The following FGFR2 variants were observed in gnomAD, a reference collection of about 807,000 sequenced individuals.
FGFR2 encodes fibroblast growth factor receptor 2.
Under a neutral mutation model 95.9 loss-of-function variants are expected in FGFR2, and 19 were observed. The ratio of observed to expected loss-of-function variants is 0.20; its 90% confidence interval spans 0.14 to 0.29. The LOEUF (loss-of-function observed/expected upper bound fraction) is 0.29, where lower values mean the gene tolerates loss of function less well. Among genes scored for constraint, FGFR2 ranks in the 10% least tolerant of loss-of-function variants. The pLI is 1.00. For synonymous variants in FGFR2, 392 were observed against 393.3 expected (o/e 1.00, Z 0.04); for missense variants, 707 against 1,056.9 (o/e 0.67, Z 4.59).
chr10:121,551,928 A>G (rs1855471198), intron 4 of FGFR2, among the ~76,000 whole-genome samples: 2 of 152,190 alleles, frequency 1.3e-5, no homozygotes, highest in Admixed American at 1.3e-4. Flanking sequence ...CCTTACTTTA[A>G]GGGCAATCAA....
chr10:121,580,798 G>A (rs1860735334), intron 2 of FGFR2, among the ~76,000 whole-genome samples: 1 of 152,138 alleles, frequency 6.6e-6, no homozygotes, highest in Non-Finnish European at 1.5e-5. Flanking sequence ...GCTCCAAACC[G>A]CATATTTGCA....
At position 121,598,279 on chromosome 10, in the gene FGFR2, C is replaced by T; in HGVS notation, c.-468G>A. On this transcript the variant is annotated 5_prime_UTR_variant, in exon 1 of 18. Transcript: ENST00000358487. Reference sequence around the variant, plus strand: ...GCGCAGGCAAGCTGCGGCCTCGGGGCCCCCGGGGCTCGCGGCCGGCCCCCG... The same window carrying T: ...GCGCAGGCAAGCTGCGGCCTCGGGGTCCCCGGGGCTCGCGGCCGGCCCCCG... 1.0e-5 allele frequency: 4 copies of T among 382,658 alleles called. No homozygotes were observed. Among genetic ancestry groups the T allele is most frequent in the Non-Finnish European group, 1.9e-5 (4 of 215,820 alleles). 23.7% of individuals were successfully genotyped at this position (382,658 alleles called of 1,614,324 possible).
intron 2 of FGFR2, among the ~76,000 whole-genome samples, chr10:121,576,353 G>A (rs1305082600): frequency 1.3e-5 from 2 of 152,168 alleles, no homozygotes; most frequent in South Asian, 2.1e-4. Context: ...CTGTGTGCCT[G>A]GCTGCCTGGC....
intron 9 of FGFR2, among the ~76,000 whole-genome samples, chr10:121,508,779 A>G (rs149911975): frequency 1.1e-3 from 171 of 152,344 alleles, no homozygotes; most frequent in African/African-American, 3.8e-3. Flanking sequence ...GGGTAAGAAA[A>G]CGTGCAAAGT....
rs191429618 is a variant in FGFR2 at position 121,491,502 on chromosome 10, C to A, written c.1864-3389G>T. Among the ~76,000 whole-genome samples the A allele has an allele frequency of 7.9e-5, 12 of 152,224 alleles. No individual in the cohort carries two copies. The East Asian group carries it at 2.3e-3, about 29-fold the overall frequency. ...CTGTGCCCAGTATGGCTGATGACAT[C>A]GAATTCCTGCGGCAACCTATGACAT... On this transcript the variant is annotated intron_variant, in intron 13 of 17. Coordinates refer to ENST00000358487, the MANE Select transcript of FGFR2 (RefSeq NM_000141.5).
At chr10:121,560,333 G>A (rs1340845311) in intron 4 of FGFR2, among the ~76,000 whole-genome samples, 1 of 152,126 alleles carries the variant, frequency 6.6e-6, no homozygotes, top group African/African-American at 2.4e-5. Context: ...GAAGTGAGTG[G>A]GCCAGGTGCC....
At chr10:121,513,804 C>T (rs942229104) in intron 9 of FGFR2, among the ~76,000 whole-genome samples, 2 of 152,086 alleles carry the variant, frequency 1.3e-5, no homozygotes, top group Non-Finnish European at 2.9e-5. Context: ...TTCTATCCTC[C>T]GTCTCCACAA....
At chr10:121,510,326 T>C (rs1187528898) in intron 9 of FGFR2, among the ~76,000 whole-genome samples, 1 of 152,042 alleles carries the variant, frequency 6.6e-6, no homozygotes, top group African/African-American at 2.4e-5. Flanking sequence ...CCAGGTCAGA[T>C]CTTGGGCAAA....
intron 5 of FGFR2, 72 bp downstream of exon 5, chr10:121,551,218 G>A (rs563357110): frequency 1.8e-5 from 27 of 1,535,050 alleles, no homozygotes; most frequent in East Asian, 1.6e-4. Context: ...AGACTCCATC[G>A]CAAAAAAAAA....
chr10:121,487,242 T>C, intron 15 of FGFR2, 112 bp downstream of exon 15: 1 of 736,558 alleles, frequency 1.4e-6, no homozygotes, highest in South Asian at 1.6e-5. Flanking sequence ...TCCTGCACCT[T>C]CTACGAATGT....
intron 5 of FGFR2, among the ~76,000 whole-genome samples, chr10:121,546,034 A>G (rs2134724161): frequency 1.3e-5 from 2 of 152,254 alleles, no homozygotes; most frequent in South Asian, 4.1e-4. Flanking sequence ...GGTTTTTAAG[A>G]ACCCCCTATG....
At chr10:121,547,297 C>T (rs1854660379) in intron 5 of FGFR2, among the ~76,000 whole-genome samples, 1 of 152,088 alleles carries the variant, frequency 6.6e-6, no homozygotes, top group Non-Finnish European at 1.5e-5. Flanking sequence ...GATGTCAGGC[C>T]CTCTGAGTTT....
At chr10:121,592,853 C>A (rs1159660637) in intron 2 of FGFR2, among the ~76,000 whole-genome samples, 2 of 152,158 alleles carry the variant, frequency 1.3e-5, no homozygotes, top group Non-Finnish European at 2.9e-5. Context: ...CCGTTTTATT[C>A]TCGGATTACC....
At chr10:121,498,351 C>T in intron 12 of FGFR2, 144 bp downstream of exon 12, 1 of 698,136 alleles carries the variant, frequency 1.4e-6, no homozygotes, top group Admixed American at 2.0e-5. Flanking sequence ...TGGCTAGGAA[C>T]ATCTTCCAAT....
At chr10:121,536,356 G>A (rs1436216504) in intron 6 of FGFR2, among the ~76,000 whole-genome samples, 1 of 152,160 alleles carries the variant, frequency 6.6e-6, no homozygotes, top group Non-Finnish European at 1.5e-5. Context: ...TTCAAGGCTT[G>A]GAAAATTATT....
chr10:121,552,537 C>T (rs1017878911), intron 4 of FGFR2, among the ~76,000 whole-genome samples: 1 of 152,202 alleles, frequency 6.6e-6, no homozygotes, highest in Admixed American at 6.5e-5. Flanking sequence ...AAGATTTGAA[C>T]CACATCAGTC....
At chr10:121,492,649 T>C (rs1053582251) in intron 13 of FGFR2, among the ~76,000 whole-genome samples, 9 of 152,186 alleles carry the variant, frequency 5.9e-5, no homozygotes, top group African/African-American at 2.2e-4. Flanking sequence ...TTCTTCATTC[T>C]CCACTTTCAA....
intron 2 of FGFR2, among the ~76,000 whole-genome samples, chr10:121,578,510 T>C (rs538281229): frequency 7.9e-5 from 12 of 152,194 alleles, no homozygotes; most frequent in African/African-American, 1.9e-4. Context: ...ACCCAAAAGG[T>C]GTACGGAGAG....
chr10:121,517,580 A>T lies in FGFR2; in HGVS notation c.940-117T>A, dbSNP rs41295557. ...TTCAGGGGGTGCTGGCCACTGGGAG[A>T]TTCCGACTGCAGCCCATCCACAAAG... On this transcript the variant is annotated intron_variant, in intron 7 of 17. Transcript: ENST00000358487. The surrounding 1 kb of genome is among the most constrained non-coding windows in gnomAD (Gnocchi z 4.7). The T allele has an allele frequency of 3.8e-4, 451 of 1,178,000 alleles. 2 individuals are homozygous for T. The African/African-American group carries it at 4.7e-3, about 12-fold the overall frequency. 73.0% of individuals were successfully genotyped at this position (1,178,000 alleles called of 1,614,324 possible). A position where few individuals can be genotyped will look rare whatever the true frequency, so the allele number is the denominator to read the frequency against.
Sources: gnomAD v4.1 joint callset for allele counts (sites outside exome capture counted in the v4.1 genomes callset) on GRCh38, gnomAD v4.1.1 for gene constraint, Gnocchi (gnomAD v3.1) non-coding constraint, MANE v1.5 for transcripts, NCBI Gene and HGNC (gene_info 2026-07-23, HGNC 2026-07-21) for gene names.